The following DLG1 variants were observed in gnomAD, a reference collection of about 807,000 sequenced individuals.
The protein encoded by DLG1 is disks large homolog 1.
A neutral mutation model predicts 123.4 loss-of-function variants in DLG1; 42 were observed. The observed-to-expected ratio is 0.34, with a 90% CI of 0.27 to 0.44. The LOEUF (loss-of-function observed/expected upper bound fraction) is 0.44, where lower values mean the gene tolerates loss of function less well. Ranked by LOEUF, DLG1 falls within the 20% of genes least tolerant of loss-of-function variation. DLG1 has a pLI of 1.00. For missense variants in DLG1, 942 were observed against 1,082.6 expected (o/e 0.87, Z 1.82); for synonymous variants, 317 against 356.2 (o/e 0.89, Z 1.24).
chr3:197,083,177 G>T (rs1432498260), intron 16 of DLG1, among the ~76,000 whole-genome samples: 1 of 152,162 alleles, frequency 6.6e-6, no homozygotes, highest in Non-Finnish European at 1.5e-5. Context: ...ACAGCCAACA[G>T]CAGTTATAAG....
chr3:197,065,908 T>A (rs1739213248), intron 20 of DLG1, 99 bp from the exon 21 acceptor site: 2 of 738,534 alleles, frequency 2.7e-6, no homozygotes, highest in African/African-American at 3.6e-5. Context: ...CTGTTATGAC[T>A]AATTTTTTTC....
At chr3:197,293,801 C>G (rs1029413737) in intron 3 of DLG1, 1 of 153,888 alleles carries the variant, frequency 6.5e-6, no homozygotes, top group Non-Finnish European at 1.5e-5. Context: ...AGTGAAAAAT[C>G]TAAGCACTCA....
chr3:197,165,373 G>C (rs576955971), intron 5 of DLG1, among the ~76,000 whole-genome samples: 2 of 152,318 alleles, frequency 1.3e-5, no homozygotes, highest in East Asian at 3.9e-4. Flanking sequence ...ATTGGATTTT[G>C]TGTTTTCTCT....
intron 4 of DLG1, among the ~76,000 whole-genome samples, chr3:197,249,668 A>G (rs1360065991): frequency 6.6e-6 from 1 of 152,252 alleles, no homozygotes; most frequent in Non-Finnish European, 1.5e-5. Flanking sequence ...AATCTTCAAC[A>G]AAATATTAGC....
At chr3:197,182,645 A>C (rs1713005375) in intron 5 of DLG1, among the ~76,000 whole-genome samples, 1 of 152,184 alleles carries the variant, frequency 6.6e-6, no homozygotes, top group African/African-American at 2.4e-5. Flanking sequence ...ATGTGTATGT[A>C]TGTATTTTCC....
At chr3:197,139,688 T>C (rs188568005) in intron 8 of DLG1, among the ~76,000 whole-genome samples, 2 of 152,342 alleles carry the variant, frequency 1.3e-5, no homozygotes, top group East Asian at 1.9e-4. Context: ...AACATGGATG[T>C]GTGATCCTCT....
chr3:197,116,897 G>A (rs1469490111), intron 12 of DLG1, among the ~76,000 whole-genome samples: 1 of 152,076 alleles, frequency 6.6e-6, no homozygotes, highest in Non-Finnish European at 1.5e-5. Context: ...TATCATATTA[G>A]TGATGTTTTA....
At chr3:197,233,515 T>A (rs557944867) in intron 4 of DLG1, among the ~76,000 whole-genome samples, 7 of 152,308 alleles carry the variant, frequency 4.6e-5, no homozygotes, top group Admixed American at 4.6e-4. Flanking sequence ...GTCTCCCAAG[T>A]AGCTGGGATT....
chr3:197,072,680 T>TAA (rs200686303), intron 18 of DLG1, among the ~76,000 whole-genome samples: 10 of 136,584 alleles, frequency 7.3e-5, no homozygotes, highest in Non-Finnish European at 1.1e-4. Context: ...ATGATTGTCT[T>TAA]AAAAAAAAAA....
chr3:197,288,738 A>AC (rs1773215947), intron 3 of DLG1, among the ~76,000 whole-genome samples: 3 of 122,530 alleles, frequency 2.4e-5, no homozygotes, highest in African/African-American at 5.6e-5. Context: ...AAAAAAAAAA[A>AC]AAAAAATACA....
At chr3:197,176,891 T>G (rs1807384451) in intron 5 of DLG1, among the ~76,000 whole-genome samples, 1 of 152,144 alleles carries the variant, frequency 6.6e-6, no homozygotes, top group Non-Finnish European at 1.5e-5. Context: ...TGTAACCAAC[T>G]ACTTTTGGTT....
chr3:197,238,081 T>C (rs1046962522), intron 4 of DLG1, among the ~76,000 whole-genome samples: 6 of 152,148 alleles, frequency 3.9e-5, no homozygotes, highest in African/African-American at 1.2e-4. Flanking sequence ...CTCTCTTAGG[T>C]GTGGAAGGAA....
intron 4 of DLG1, among the ~76,000 whole-genome samples, chr3:197,271,169 G>A (rs2151043199): frequency 6.6e-6 from 1 of 152,190 alleles, no homozygotes; most frequent in Non-Finnish European, 1.5e-5. Flanking sequence ...CATGCCTGTG[G>A]CCCCCAGTCC....
chr3:197,141,421 T>C (rs536138545), intron 7 of DLG1, among the ~76,000 whole-genome samples: 1 of 152,204 alleles, frequency 6.6e-6, no homozygotes, highest in East Asian at 1.9e-4. Context: ...TATTAAAGTA[T>C]GTACAGTACA....
intron 4 of DLG1, among the ~76,000 whole-genome samples, chr3:197,243,568 A>G (rs1407208012): frequency 3.3e-5 from 5 of 152,170 alleles, no homozygotes; most frequent in African/African-American, 7.2e-5. Context: ...GGATGAAGGT[A>G]CAACACTGGG....
At chr3:197,271,448 C>T (rs2151045707) in intron 4 of DLG1, among the ~76,000 whole-genome samples, 1 of 152,320 alleles carries the variant, frequency 6.6e-6, no homozygotes, top group Non-Finnish European at 1.5e-5. Flanking sequence ...CTTTCCCTCA[C>T]TTCTGCTCTC....
chr3:197,104,652 A>G (rs1765347395), intron 14 of DLG1, among the ~76,000 whole-genome samples: 6 of 152,174 alleles, frequency 3.9e-5, no homozygotes. Context: ...ACTGCACTCC[A>G]GCCTGGGCAG....
intron 3 of DLG1, among the ~76,000 whole-genome samples, chr3:197,288,743 A>AAAAAAAAAAAAAAAACATACATAC (rs1553827364): frequency 2.8e-5 from 2 of 72,078 alleles, no homozygotes; most frequent in Non-Finnish European, 2.4e-5. Context: ...AAAAAAAAAA[A>AAAAAAAAAAAAAAAACATACATAC]ATACATACAT....
intron 4 of DLG1, among the ~76,000 whole-genome samples, chr3:197,222,037 T>C (rs1219523107): frequency 6.6e-6 from 1 of 152,222 alleles, no homozygotes; most frequent in African/African-American, 2.4e-5. Flanking sequence ...TATAATGTAT[T>C]GCTCAGGGAA....
Sources: gnomAD v4.1 joint callset for allele counts (sites outside exome capture counted in the v4.1 genomes callset) on GRCh38, gnomAD v4.1.1 for gene constraint, MANE v1.5 for transcripts, NCBI Gene and HGNC (gene_info 2026-07-23, HGNC 2026-07-21) for gene names.